The following KCNN3 variants were observed in gnomAD, a reference collection of about 807,000 sequenced individuals.
The protein encoded by KCNN3 is potassium calcium-activated channel subfamily N member 3, also known as small conductance calcium-activated potassium channel protein 3.
KCNN3 carries 16 observed loss-of-function variants against 62.9 expected under a neutral mutation model. The ratio of observed to expected loss-of-function variants is 0.25; its 90% CI spans 0.17 to 0.39. KCNN3 has a LOEUF of 0.39. Among genes scored for constraint, KCNN3 ranks in the 10% least tolerant of loss-of-function variants. The pLI is 1.00. For synonymous variants in KCNN3, 370 were observed against 389.2 expected (o/e 0.95, Z 0.58); for missense variants, 599 against 949.4 (o/e 0.63, Z 4.85).
At position 154,841,724 on chromosome 1, in the gene KCNN3, G is replaced by A. The variant is rs149343393; in HGVS notation, c.934-19540C>T. Among the ~76,000 whole-genome samples the A allele has an allele frequency of 2.5e-3, 387 of 152,218 alleles. 4 individuals are homozygous for A. Among genetic ancestry groups the A allele is most frequent in the Non-Finnish European group, 4.0e-3 (269 of 68,004 alleles). ...GTCTCCCTACTACATCCCCATCCCC[G>A]AATGAGAGCACCTGCAGACATCTTT... On this transcript the variant is annotated intron_variant, in intron 1 of 7. Transcript: ENST00000271915.
At chr1:154,836,062 C>T (rs1279294479) in intron 1 of KCNN3, among the ~76,000 whole-genome samples, 2 of 152,300 alleles carry the variant, frequency 1.3e-5, no homozygotes, top group South Asian at 2.1e-4. Flanking sequence ...AGGCACCTGA[C>T]GCATGTCTGC....
chr1:154,793,034 C>T (rs776135112), intron 2 of KCNN3, among the ~76,000 whole-genome samples: 1 of 152,168 alleles, frequency 6.6e-6, no homozygotes, highest in Non-Finnish European at 1.5e-5. Flanking sequence ...AGCTCCTAAC[C>T]CCAAACCATC....
At chr1:154,841,515 A>G (rs182698804) in intron 1 of KCNN3, among the ~76,000 whole-genome samples, 2 of 152,170 alleles carry the variant, frequency 1.3e-5, no homozygotes, top group Admixed American at 1.3e-4. Flanking sequence ...TGAGCAAGGC[A>G]CTGTTCGTAC....
intron 3 of KCNN3, among the ~76,000 whole-genome samples, chr1:154,757,887 T>C (rs1647803921): frequency 1.3e-5 from 2 of 152,216 alleles, no homozygotes; most frequent in Non-Finnish European, 1.5e-5. Flanking sequence ...GCTGCTTCAC[T>C]GGGTACTCAC....
chr1:154,825,877 T>C (rs1651090993), intron 1 of KCNN3, among the ~76,000 whole-genome samples: 1 of 150,686 alleles, frequency 6.6e-6, no homozygotes, highest in Non-Finnish European at 1.5e-5. Context: ...TGAAACCTCA[T>C]CTCTACTAAA....
intron 4 of KCNN3, among the ~76,000 whole-genome samples, chr1:154,729,823 A>G (rs914446117): frequency 2.0e-5 from 3 of 152,186 alleles, no homozygotes; most frequent in African/African-American, 7.2e-5. Context: ...AAATGACTCA[A>G]TTTGTGCTAC....
intron 5 of KCNN3, among the ~76,000 whole-genome samples, chr1:154,716,107 A>G (rs1339206285): frequency 6.6e-6 from 1 of 152,258 alleles, no homozygotes. Context: ...ACACGTTTCA[A>G]CATATGACGC....
chr1:154,747,813 C>A (rs868108), intron 3 of KCNN3, among the ~76,000 whole-genome samples: 1 of 152,018 alleles, frequency 6.6e-6, no homozygotes, highest in Non-Finnish European at 1.5e-5. Flanking sequence ...AGTGCACTGC[C>A]GCATCTTATG....
chr1:154,736,527 T>C (rs1165552290), intron 3 of KCNN3, among the ~76,000 whole-genome samples: 1 of 152,234 alleles, frequency 6.6e-6, no homozygotes, highest in East Asian at 1.9e-4. Context: ...AGGCCCCAGA[T>C]AAGCAGTGCT....
intron 1 of KCNN3, among the ~76,000 whole-genome samples, chr1:154,856,519 A>G (rs1439645195): frequency 6.6e-6 from 1 of 151,720 alleles, no homozygotes. Context: ...TCCTTCTCTC[A>G]CTCTCTAGAT....
Position 154,813,314 on chromosome 1 carries a change from G to A in KCNN3, c.1029+8775C>T, listed in dbSNP as rs549502822. 1.0e-3 allele frequency among the ~76,000 whole-genome samples: 150 copies of A among 149,748 alleles called. 7 individuals carry two copies. In the South Asian group the frequency reaches 0.031, roughly 31 times the overall value. On this transcript the variant is annotated intron_variant, in intron 2 of 7. Coordinates refer to ENST00000271915, the MANE Select transcript of KCNN3 (RefSeq NM_002249.6). ...TTACACTGGAAGCTTCCTGAGAAGC[G>A]TGTCCACGGCCCCCTCACTTCACAT...
chr1:154,819,891 G>A (rs780041911), intron 2 of KCNN3, among the ~76,000 whole-genome samples: 11 of 152,192 alleles, frequency 7.2e-5, no homozygotes, highest in Non-Finnish European at 1.6e-4. Flanking sequence ...TTTCCATTCT[G>A]TGAAAGCCCA....
At chr1:154,726,111 C>G (rs1169302458) in intron 4 of KCNN3, 85 bp from the exon 5 acceptor site, 2 of 998,852 alleles carry the variant, frequency 2.0e-6, no homozygotes, top group African/African-American at 1.6e-5. Context: ...CTGGCGGCCA[C>G]GGGGGTAATT....
chr1:154,817,036 C>G (rs1239661138), intron 2 of KCNN3, among the ~76,000 whole-genome samples: 4 of 152,222 alleles, frequency 2.6e-5, no homozygotes, highest in Non-Finnish European at 5.9e-5. Flanking sequence ...CCTTTCCACT[C>G]TGTCAGCCAG....
chr1:154,749,829 G>A (rs563007864), intron 3 of KCNN3, among the ~76,000 whole-genome samples: 4 of 152,256 alleles, frequency 2.6e-5, no homozygotes, highest in Admixed American at 6.5e-5. Context: ...GCCCTGACCC[G>A]GGGTCCCCAC....
intron 2 of KCNN3, among the ~76,000 whole-genome samples, chr1:154,775,227 C>G (rs1050573094): frequency 6.6e-6 from 1 of 152,188 alleles, no homozygotes; most frequent in African/African-American, 2.4e-5. Flanking sequence ...GAACTGAGGA[C>G]CCAGGAGAGG....
intron 3 of KCNN3, among the ~76,000 whole-genome samples, chr1:154,738,776 A>C (rs1700766825): frequency 6.6e-6 from 1 of 152,260 alleles, no homozygotes; most frequent in African/African-American, 2.4e-5. Flanking sequence ...ATAGAAAACT[A>C]AGCAAACAAA....
In KCNN3 at chr1:154,702,747, A is replaced by ATATATATATATG. The variant is rs1411424701; in HGVS notation, c.*5228_*5229insCATATATATATA. 1 of 85,814 alleles carries ATATATATATATG rather than the reference A, an allele frequency of 1.2e-5. No homozygotes were observed. Among genetic ancestry groups the ATATATATATATG allele is most frequent in the Non-Finnish European group, 2.4e-5 (1 of 41,802 alleles). 5.3% of individuals were successfully genotyped at this position (85,814 alleles called of 1,614,324 possible). ...TATATATATATATATATATATATAT[A>ATATATATATATG]TGTACTTTTTCTTTTTGGCTATAAA... On this transcript the variant is annotated 3_prime_UTR_variant, in exon 8 of 8. Transcript: ENST00000271915.
chr1:154,835,248 C>T (rs2101905914), intron 1 of KCNN3, among the ~76,000 whole-genome samples: 1 of 152,308 alleles, frequency 6.6e-6, no homozygotes, highest in African/African-American at 2.4e-5. Context: ...CAGGAGAGTC[C>T]AGTGTATGCC....
Sources: allele counts gnomAD v4.1 joint callset (sites outside exome capture counted in the v4.1 genomes callset), GRCh38; gene constraint gnomAD v4.1.1; transcripts MANE v1.5; gene names NCBI Gene and HGNC (gene_info 2026-07-23, HGNC 2026-07-21).